Variants in ABHD2 observed in about 807,000 individuals in gnomAD.
ABHD2 encodes the protein monoacylglycerol lipase ABHD2.
ABHD2 carries 20 observed loss-of-function variants against 48.1 expected under a neutral mutation model. The observed-to-expected ratio is 0.42, with a 90% CI of 0.29 to 0.60. The LOEUF is 0.60. Ranked by LOEUF, ABHD2 falls within the 20% of genes least tolerant of loss-of-function variation. The pLI is 0.24. For missense variants in ABHD2, 405 were observed against 550.9 expected, an observed-to-expected ratio of 0.74 and a Z score of 2.65; for synonymous variants, 209 against 214.2, an observed-to-expected ratio of 0.98 and a Z score of 0.21.
chr15:89,189,899 A>T lies in ABHD2; in HGVS notation c.927-1181A>T, dbSNP rs114682791. Among the ~76,000 whole-genome samples, 996 of 152,270 alleles carry T rather than the reference A, an allele frequency of 6.5e-3. 12 individuals carry two copies. Among genetic ancestry groups the T allele is most frequent in the African/African-American group, 0.023 (951 of 41,548 alleles). On this transcript the variant is annotated intron_variant, in intron 8 of 10. Transcript: ENST00000352732. The surrounding 1 kb of genome is among the most constrained non-coding windows in gnomAD (Gnocchi z 4.9). ...CTCTTTAATAGCGTTGGAAAATAGC[A>T]GTTTTATGATCATAACCAGTCTTGG...
chr15:89,046,622 T>G, the ABHD2 span, among the ~76,000 whole-genome samples: 1 of 152,150 alleles, frequency 6.6e-6, no homozygotes, highest in African/African-American at 2.4e-5. Flanking sequence ...TGGTTTAGTC[T>G]TGGGAGAGTG....
In ABHD2 at chr15:89,104,339, C is replaced by G. The variant is rs554574597; in HGVS notation, c.-106-9386C>G. The G allele has an allele frequency of 5.9e-5, 9 of 152,366 alleles. No homozygotes were observed. Among genetic ancestry groups the G allele is most frequent in the African/African-American group, 2.2e-4 (9 of 41,580 alleles). 9.4% of individuals were successfully genotyped at this position (152,366 alleles called of 1,614,324 possible). A position where few individuals can be genotyped will look rare whatever the true frequency, so the allele number is the denominator to read the frequency against. ...CAAGTCTCTCCTTTGGCAAAATCAT[C>G]TGGGCTTGTTCTCATCCCTGCTGAA... On this transcript the variant is annotated intron_variant, in intron 1 of 10. Coordinates refer to ENST00000352732, the MANE Select transcript of ABHD2 (RefSeq NM_152924.5). This position sits in a 1 kb window ranked among gnomAD's most constrained non-coding sequence, Gnocchi z 4.4.
At chr15:89,187,328 G>A (rs1346695282) in intron 7 of ABHD2, among the ~76,000 whole-genome samples, 1 of 152,168 alleles carries the variant, frequency 6.6e-6, no homozygotes, top group Non-Finnish European at 1.5e-5. Flanking sequence ...GGAAATTTTA[G>A]GTTAACTTTG....
chr15:89,046,734 C>T, the ABHD2 span, among the ~76,000 whole-genome samples: 80 of 152,228 alleles, frequency 5.3e-4, no homozygotes, highest in Admixed American at 2.6e-3. Context: ...TCTGTGGGAT[C>T]GGTGGTGATA....
chr15:89,170,884 G>A (rs1356782163), intron 5 of ABHD2, among the ~76,000 whole-genome samples: 5 of 152,262 alleles, frequency 3.3e-5, no homozygotes, highest in South Asian at 2.1e-4. Context: ...TTGGGAGGCC[G>A]AGGGGGGCGG....
At chr15:89,084,746 A>T (rs948052292), upstream of ABHD2, among the ~76,000 whole-genome samples, 1 of 152,244 alleles carries the variant, frequency 6.6e-6, no homozygotes, top group South Asian at 2.1e-4. The surrounding 1 kb of genome is among the most constrained non-coding windows in gnomAD (Gnocchi z 4.4). Context: ...GCTGTGGCAA[A>T]CATTTATTAA....
intron 3 of ABHD2, among the ~76,000 whole-genome samples, chr15:89,142,544 A>G (rs1182046756): frequency 3.3e-5 from 5 of 152,326 alleles, no homozygotes; most frequent in African/African-American, 1.2e-4. Flanking sequence ...TCTTGCAGCT[A>G]AATTAGAGCA....
rs777461364 is a variant in ABHD2, at chr15:89,175,852, G to A, written c.579G>A (p.Lys193=). 1 of 1,614,102 alleles carries A rather than the reference G, an allele frequency of 6.2e-7. No homozygotes were observed. The highest frequency in any genetic ancestry group is 8.5e-7 in the Non-Finnish European group (1 of 1,180,008). Residue 193 remains lysine (K), a synonymous_variant, in exon 6 of 11, where the codon AAG becomes AAA. Coordinates refer to ENST00000352732, the MANE Select transcript of ABHD2 (RefSeq NM_152924.5). This position sits in a 1 kb window ranked among gnomAD's most constrained non-coding sequence, Gnocchi z 5.7. Reference sequence around the variant, plus strand: ...TTGGAGCCATGGTGAACTACATCAAGAAGACATATCCCCTGACCCAGCTGG... The same window carrying A: ...TTGGAGCCATGGTGAACTACATCAAAAAGACATATCCCCTGACCCAGCTGG... ...WEFGAMVNYI[K]KTYPLTQLVV...
chr15:89,047,798 T>C, the ABHD2 span, among the ~76,000 whole-genome samples: 41 of 147,426 alleles, frequency 2.8e-4, no homozygotes, highest in African/African-American at 1.0e-3. Context: ...TGTCTCTGCA[T>C]GTGAGATGGG....
At chr15:89,083,431 CTGTA>C (rs1257470871), upstream of ABHD2, among the ~76,000 whole-genome samples, 5 of 152,170 alleles carry the variant, frequency 3.3e-5, no homozygotes, top group Admixed American at 6.5e-5. The surrounding 1 kb of genome is among the most constrained non-coding windows in gnomAD (Gnocchi z 5.1). Context: ...GTCAGATATT[CTGTA>C]TGTATCTGAT....
At chr15:89,153,587 C>T (rs1370845444) in intron 4 of ABHD2, among the ~76,000 whole-genome samples, 1 of 152,138 alleles carries the variant, frequency 6.6e-6, no homozygotes, top group Non-Finnish European at 1.5e-5. Flanking sequence ...TTCCATCACT[C>T]CTGCCCCCAG....
the ABHD2 span, among the ~76,000 whole-genome samples, chr15:89,065,686 C>A: frequency 1.3e-5 from 2 of 152,086 alleles, no homozygotes; most frequent in African/African-American, 4.8e-5. Flanking sequence ...TTTTAGCTTC[C>A]CCACTTTGCC....
In ABHD2 at chr15:89,195,476, C is replaced by T. The variant is rs556248347; in HGVS notation, c.*53C>T. The T allele has an allele frequency of 1.9e-6, 3 of 1,566,030 alleles. No homozygotes were observed. The highest frequency in any genetic ancestry group is 4.6e-5 in the East Asian group (2 of 43,818). ...AGCCCTCCTCTGGAAGCTGCGTCCCCTCACCCCCTGTTTCAGGTCTCCCAT... is the reference window on the plus strand; with the variant it reads ...AGCCCTCCTCTGGAAGCTGCGTCCCTTCACCCCCTGTTTCAGGTCTCCCAT... On this transcript the variant is annotated 3_prime_UTR_variant, in exon 11 of 11. Transcript: ENST00000352732. The surrounding 1 kb of genome is among the most constrained non-coding windows in gnomAD (Gnocchi z 5.1).
At position 89,159,218 on chromosome 15, in the gene ABHD2, AAC is replaced by A. The variant is rs200853805; in HGVS notation, c.538+3688_538+3689del. ...ATGGTGAAACCCTGTGTCTACTACA[AAC>A]ACAAAAATTAGCCAGGCATGGTGGC... On this transcript the variant is annotated intron_variant, in intron 5 of 10. Transcript: ENST00000352732. Among the ~76,000 whole-genome samples, 197 of 152,054 alleles carry A rather than the reference AAC, an allele frequency of 1.3e-3. 1 individual carries two copies. Among genetic ancestry groups the A allele is most frequent in the African/African-American group, 4.7e-3 (195 of 41,482 alleles).
chr15:89,060,292 T>C, the ABHD2 span, among the ~76,000 whole-genome samples: 13 of 151,716 alleles, frequency 8.6e-5, no homozygotes, highest in African/African-American at 2.9e-4. Flanking sequence ...GGTTTCACCA[T>C]ATTAGTCAGG....
chr15:89,052,264 A>C, the ABHD2 span, among the ~76,000 whole-genome samples: 1 of 152,134 alleles, frequency 6.6e-6, no homozygotes. Context: ...GTTTAGGAGG[A>C]GATTAAATTT....
intron 3 of ABHD2, among the ~76,000 whole-genome samples, chr15:89,126,167 A>C (rs72760646): frequency 0.018 from 2,764 of 152,340 alleles, 41 homozygotes; most frequent in Non-Finnish European, 0.028. Flanking sequence ...TATATGCTAC[A>C]ACTGATTCCA....
chr15:89,092,552 C>T lies in ABHD2; in HGVS notation c.-107+3989C>T, dbSNP rs963447242. ...GATGAAAGAAAATTTTTTAAAGGCACAAAAGGTTAACTAGTAAATACATCT... is the reference window on the plus strand; with the variant it reads ...GATGAAAGAAAATTTTTTAAAGGCATAAAAGGTTAACTAGTAAATACATCT... On this transcript the variant is annotated intron_variant, in intron 1 of 10. Coordinates refer to ENST00000352732, the MANE Select transcript of ABHD2 (RefSeq NM_152924.5). This position sits in a 1 kb window ranked among gnomAD's most constrained non-coding sequence, Gnocchi z 4.4. Among the ~76,000 whole-genome samples, 1 of 152,144 alleles carries T rather than the reference C, an allele frequency of 6.6e-6. No homozygotes were observed. The highest frequency in any genetic ancestry group is 2.4e-5 in the African/African-American group (1 of 41,430).
At chr15:89,044,451 T>C in the ABHD2 span, among the ~76,000 whole-genome samples, 2 of 152,112 alleles carry the variant, frequency 1.3e-5, no homozygotes, top group Non-Finnish European at 2.9e-5. Flanking sequence ...ATGGTATTTC[T>C]AGTTCTAGAG....
Sources: allele counts gnomAD v4.1 joint callset (sites outside exome capture counted in the v4.1 genomes callset), GRCh38; gene constraint gnomAD v4.1.1; non-coding constraint Gnocchi (gnomAD v3.1); transcripts MANE v1.5; gene names NCBI Gene and HGNC (gene_info 2026-07-23, HGNC 2026-07-21).